ZBTB20: variants seen among roughly 807,000 people sequenced by gnomAD.
ZBTB20 encodes zinc finger and BTB domain-containing protein 20.
ZBTB20 carries 9 observed loss-of-function variants against 56.9 expected under a neutral mutation model. The ratio of observed to expected loss-of-function variants is 0.16; its 90% CI spans 0.10 to 0.28. The LOEUF (loss-of-function observed/expected upper bound fraction) is 0.28, where lower values mean the gene tolerates loss of function less well. Ranked by LOEUF, ZBTB20 falls within the 10% of genes least tolerant of loss-of-function variation. ZBTB20 has a pLI of 1.00. For synonymous variants in ZBTB20, 417 were observed against 420.7 expected (o/e 0.99, Z 0.11); for missense variants, 655 against 1,003.0 (o/e 0.65, Z 4.69).
At chr3:114,704,618 C>T (rs1282340495) in intron 5 of ZBTB20, among the ~76,000 whole-genome samples, 1 of 152,130 alleles carries the variant, frequency 6.6e-6, no homozygotes, top group African/African-American at 2.4e-5. Context: ...GACTTATACA[C>T]TGTTGAATGA....
rs968999475 is a variant in ZBTB20 at position 114,320,764 on chromosome 3, T to C, written c.*18241A>G. The C allele has an allele frequency of 6.6e-6, 1 of 151,942 alleles. No individual in the cohort carries two copies. Among genetic ancestry groups the C allele is most frequent in the African/African-American group, 2.4e-5 (1 of 41,368 alleles). 9.4% of individuals were successfully genotyped at this position (151,942 alleles called of 1,614,324 possible). A position where few individuals can be genotyped will look rare whatever the true frequency, so the allele number is the denominator to read the frequency against. The stretch of plus-strand genomic sequence containing the variant: ...TGGTACTGCATCCATGTGGGGACAA[T>C]AGAAAAAAAGTACTCAAATAGACAT... On this transcript the variant is annotated 3_prime_UTR_variant, in exon 12 of 12. Transcript: ENST00000675478.
At chr3:114,748,281 T>TG (rs201183730) in intron 5 of ZBTB20, among the ~76,000 whole-genome samples, 595 of 52,958 alleles carry the variant, frequency 0.011, 2 homozygotes, top group Non-Finnish European at 0.018. Flanking sequence ...TGTTGTAGCT[T>TG]CTTTCTTTCT....
intron 5 of ZBTB20, among the ~76,000 whole-genome samples, chr3:114,728,355 AG>A (rs1267570353): frequency 6.6e-6 from 1 of 152,230 alleles, no homozygotes; most frequent in Non-Finnish European, 1.5e-5. Context: ...AGAAGGTGAA[AG>A]AATTAAGGAT....
At chr3:114,678,277 C>T (rs1360801340) in intron 6 of ZBTB20, among the ~76,000 whole-genome samples, 1 of 152,050 alleles carries the variant, frequency 6.6e-6, no homozygotes, top group African/African-American at 2.4e-5. Flanking sequence ...GCATCATCAA[C>T]CAATATCAGC....
intron 3 of ZBTB20, among the ~76,000 whole-genome samples, chr3:114,912,531 C>T (rs1327611300): frequency 1.3e-5 from 2 of 151,800 alleles, no homozygotes; most frequent in African/African-American, 4.8e-5. Context: ...TTGATATAGG[C>T]ACATAATGCC....
chr3:114,904,405 G>A (rs893922129), intron 3 of ZBTB20: 4 of 151,840 alleles, frequency 2.6e-5, no homozygotes, highest in Non-Finnish European at 4.4e-5. Context: ...CCATGACTGA[G>A]GAAGCATCCA....
chr3:114,759,367 C>A (rs2068271882), intron 5 of ZBTB20: 1 of 152,130 alleles, frequency 6.6e-6, no homozygotes, highest in Admixed American at 6.6e-5. Context: ...TAATCATACT[C>A]TTTCAGTTTA....
chr3:114,343,248 A>G (rs530343477), intron 11 of ZBTB20, among the ~76,000 whole-genome samples: 1 of 152,248 alleles, frequency 6.6e-6, no homozygotes, highest in South Asian at 2.1e-4. Flanking sequence ...ATGGGTAAAG[A>G]CACCCCAATT....
intron 4 of ZBTB20, among the ~76,000 whole-genome samples, chr3:114,821,628 C>T (rs1356825561): frequency 2.0e-5 from 3 of 152,090 alleles, no homozygotes. Flanking sequence ...CTGCTTCCCA[C>T]CTACCGTACT....
intron 4 of ZBTB20, among the ~76,000 whole-genome samples, chr3:114,899,094 G>A (rs2075005094): frequency 6.6e-6 from 1 of 151,866 alleles, no homozygotes; most frequent in Admixed American, 6.6e-5. Flanking sequence ...TAACATTTGT[G>A]AAAAAATACC....
At chr3:114,480,397 C>G (rs1670460999) in intron 7 of ZBTB20, among the ~76,000 whole-genome samples, 1 of 152,154 alleles carries the variant, frequency 6.6e-6, no homozygotes. Flanking sequence ...AATGCTATTA[C>G]TATGTTTAAA....
intron 2 of ZBTB20, among the ~76,000 whole-genome samples, chr3:114,986,875 T>C (rs969552995): frequency 3.3e-5 from 5 of 152,154 alleles, no homozygotes; most frequent in Admixed American, 6.6e-5. Flanking sequence ...CTCCATCTTA[T>C]AGTTTCTGTA....
At chr3:114,511,707 G>C (rs1285671953) in intron 6 of ZBTB20, among the ~76,000 whole-genome samples, 1 of 151,848 alleles carries the variant, frequency 6.6e-6, no homozygotes, top group Non-Finnish European at 1.5e-5. Context: ...TTTAGAACTG[G>C]AGACCTTATA....
chr3:114,538,242 T>A (rs1303780906), intron 6 of ZBTB20, among the ~76,000 whole-genome samples: 3 of 152,166 alleles, frequency 2.0e-5, no homozygotes, highest in African/African-American at 7.2e-5. Context: ...TTTTAAGTGT[T>A]ACATTTTTCA....
chr3:114,490,488 T>C (rs1393902666), intron 7 of ZBTB20, among the ~76,000 whole-genome samples: 2 of 152,150 alleles, frequency 1.3e-5, no homozygotes, highest in African/African-American at 2.4e-5. Flanking sequence ...CCCAAAGTGT[T>C]GGGATTACAG....
chr3:115,049,375 A>G (rs1023958088), intron 2 of ZBTB20, among the ~76,000 whole-genome samples: 1 of 152,198 alleles, frequency 6.6e-6, no homozygotes, highest in Non-Finnish European at 1.5e-5. Context: ...AGTATATTTC[A>G]GAATACAAGT....
intron 4 of ZBTB20, among the ~76,000 whole-genome samples, chr3:114,842,578 T>C (rs1005701908): frequency 3.3e-5 from 5 of 152,130 alleles, no homozygotes; most frequent in Non-Finnish European, 5.9e-5. Flanking sequence ...AAGAGGAGTG[T>C]AGAACCAGGA....
At chr3:114,562,929 A>G (rs553870607) in intron 6 of ZBTB20, among the ~76,000 whole-genome samples, 1 of 152,316 alleles carries the variant, frequency 6.6e-6, no homozygotes, top group Admixed American at 6.5e-5. Flanking sequence ...AAAGATCACT[A>G]ATCACAAATC....
chr3:114,844,330 AAT>A lies in ZBTB20; in HGVS notation c.-416-43158_-416-43157del, dbSNP rs71146341. ...GTTGCATAAGAAAATTACTGGAGTA[AAT>A]ATATATATATATATATATATATATA... On this transcript the variant is annotated intron_variant, in intron 4 of 11. Transcript: ENST00000675478. Among the ~76,000 whole-genome samples the A allele has an allele frequency of 5.6e-3, 555 of 99,098 alleles. 4 individuals carry two copies. Among genetic ancestry groups the A allele is most frequent in the African/African-American group, 0.019 (310 of 16,668 alleles). The allele number at this position is 99,098 out of a possible 152,430, so 65.0% of individuals were successfully genotyped here. A position where few individuals can be genotyped will look rare whatever the true frequency, so the allele number is the denominator to read the frequency against.
Sources: gnomAD v4.1 joint callset for allele counts (sites outside exome capture counted in the v4.1 genomes callset) on GRCh38, gnomAD v4.1.1 for gene constraint, MANE v1.5 for transcripts, NCBI Gene and HGNC (gene_info 2026-07-23, HGNC 2026-07-21) for gene names.